ANKRD55: variants seen among roughly 807,000 people sequenced by gnomAD.
ANKRD55 encodes ankyrin repeat domain-containing protein 55.
Under a neutral mutation model 60.6 loss-of-function variants are expected in ANKRD55, and 41 were observed. The ratio of observed to expected loss-of-function variants is 0.68; its 90% CI spans 0.53 to 0.88. The LOEUF (loss-of-function observed/expected upper bound fraction) is 0.88. Ranked by LOEUF, ANKRD55 falls within the 40% of genes least tolerant of loss-of-function variation. The pLI, the probability that ANKRD55 is intolerant of heterozygous loss-of-function variation, is 0.00. For missense variants in ANKRD55, 732 were observed against 767.6 expected (o/e 0.95, Z 0.55); for synonymous variants, 264 against 290.3 (o/e 0.91, Z 0.92).
intron 2 of ANKRD55, among the ~76,000 whole-genome samples, chr5:56,201,961 G>A (rs182824704): frequency 2.0e-5 from 3 of 152,328 alleles, no homozygotes; most frequent in East Asian, 3.9e-4. Flanking sequence ...ATACTATGCA[G>A]CAATAAAAAA....
intron 2 of ANKRD55, chr5:56,192,678 A>C: frequency 1.6e-6 from 2 of 1,244,660 alleles, no homozygotes; most frequent in Non-Finnish European, 2.3e-6. Flanking sequence ...GTTCTTCATA[A>C]TGATCCTCAT....
chr5:56,178,593 G>T (rs1300605301), intron 3 of ANKRD55, among the ~76,000 whole-genome samples: 1 of 151,276 alleles, frequency 6.6e-6, no homozygotes, highest in Non-Finnish European at 1.5e-5. Context: ...AAAAGCAATA[G>T]GAAAAGTAAC....
chr5:56,205,814 A>G (rs1365442445), intron 2 of ANKRD55, among the ~76,000 whole-genome samples: 1 of 152,162 alleles, frequency 6.6e-6, no homozygotes, highest in Non-Finnish European at 1.5e-5. Context: ...CTCAAATGTC[A>G]GAGACTGAAC....
chr5:56,153,277 C>T (rs1259004209), intron 6 of ANKRD55, among the ~76,000 whole-genome samples: 2 of 152,066 alleles, frequency 1.3e-5, no homozygotes, highest in African/African-American at 2.4e-5. Flanking sequence ...ACAACAACAA[C>T]AACAACAACA....
chr5:56,204,304 T>G (rs1759450794), intron 2 of ANKRD55, among the ~76,000 whole-genome samples: 1 of 152,208 alleles, frequency 6.6e-6, no homozygotes. Context: ...TAGTTTCTTT[T>G]GCTGTGCAGA....
At chr5:56,195,288 T>C (rs917394322) in intron 2 of ANKRD55, among the ~76,000 whole-genome samples, 16 of 152,230 alleles carry the variant, frequency 1.1e-4, no homozygotes, top group Non-Finnish European at 2.4e-4. Context: ...ATTTTTATTT[T>C]TATTATCTTT....
At chr5:56,180,804 A>T (rs1758834800) in intron 3 of ANKRD55, among the ~76,000 whole-genome samples, 1 of 152,252 alleles carries the variant, frequency 6.6e-6, no homozygotes, top group South Asian at 2.1e-4. Flanking sequence ...GACCTTGCTG[A>T]ACTCACTTAG....
intron 2 of ANKRD55, among the ~76,000 whole-genome samples, chr5:56,187,753 G>A (rs1014926742): frequency 2.0e-5 from 3 of 152,172 alleles, no homozygotes; most frequent in Non-Finnish European, 4.4e-5. Context: ...GTTCTCTTCC[G>A]TGACCCACGG....
At position 56,166,084 on chromosome 5, in the gene ANKRD55, CTTTTTCTTTCTT is replaced by C. The variant is rs1422857723; in HGVS notation, c.422+4598_422+4609del. Among the ~76,000 whole-genome samples the C allele has an allele frequency of 3.2e-3, 243 of 76,902 alleles. 6 individuals are homozygous for C. The highest frequency in any genetic ancestry group is 0.011 in the African/African-American group (202 of 17,720). 50.5% of individuals were successfully genotyped at this position (76,902 alleles called of 152,430 possible). ...GCCACCCTTCAGGGATCTTTCTTTT[CTTTTTCTTTCTT>C]TCTTTCTTTCTTTCTTTCTTTCTTT... On this transcript the variant is annotated intron_variant, in intron 5 of 11. Transcript: ENST00000341048.
At chr5:56,190,079 A>C (rs900343370) in intron 2 of ANKRD55, among the ~76,000 whole-genome samples, 7 of 152,180 alleles carry the variant, frequency 4.6e-5, no homozygotes, top group Non-Finnish European at 1.0e-4. Flanking sequence ...CTCTAATATT[A>C]GTGACAGTGA....
chr5:56,192,429 G>A, intron 2 of ANKRD55: 1 of 191,060 alleles, frequency 5.2e-6, no homozygotes, highest in Non-Finnish European at 1.1e-5. Context: ...TAGCGGCCAG[G>A]AGCCACTTCT....
intron 4 of ANKRD55, among the ~76,000 whole-genome samples, chr5:56,173,551 T>C (rs947116862): frequency 1.3e-4 from 9 of 71,608 alleles, no homozygotes; most frequent in Non-Finnish European, 1.6e-4. Flanking sequence ...CCTCTCTCTC[T>C]CTCTCTCTCT....
chr5:56,138,619 G>A (rs922686251), intron 7 of ANKRD55, among the ~76,000 whole-genome samples: 4 of 152,224 alleles, frequency 2.6e-5, no homozygotes, highest in Non-Finnish European at 5.9e-5. Context: ...GAATGGATAA[G>A]TAAACCTTGG....
At chr5:56,146,598 T>G (rs1757905262) in intron 6 of ANKRD55, 1 of 152,176 alleles carries the variant, frequency 6.6e-6, no homozygotes, top group Non-Finnish European at 1.5e-5. Flanking sequence ...TCGTAAAAAT[T>G]TGGCTTTGCT....
chr5:56,209,204 C>A (rs1014702053), intron 2 of ANKRD55, among the ~76,000 whole-genome samples: 7 of 152,070 alleles, frequency 4.6e-5, no homozygotes, highest in Admixed American at 1.3e-4. Context: ...TGATCTACCC[C>A]CCTCGGCCTC....
chr5:56,107,295 G>C (rs1304163189), intron 10 of ANKRD55, among the ~76,000 whole-genome samples: 1 of 152,066 alleles, frequency 6.6e-6, no homozygotes, highest in Non-Finnish European at 1.5e-5. Context: ...TCAGCACTCA[G>C]AAAAATTGGT....
chr5:56,155,948 C>CAT (rs1001564628), intron 6 of ANKRD55, among the ~76,000 whole-genome samples: 20 of 151,276 alleles, frequency 1.3e-4, no homozygotes, highest in Non-Finnish European at 2.9e-4. Flanking sequence ...TATACATACA[C>CAT]ATATATATCC....
At chr5:56,210,485 C>A (rs1759639564) in intron 2 of ANKRD55, among the ~76,000 whole-genome samples, 1 of 147,794 alleles carries the variant, frequency 6.8e-6, no homozygotes, top group East Asian at 2.0e-4. Context: ...AGGCGTGAAC[C>A]CGGGAGGCGG....
chr5:56,206,595 G>A (rs1759515093), intron 2 of ANKRD55, among the ~76,000 whole-genome samples: 1 of 152,134 alleles, frequency 6.6e-6, no homozygotes, highest in South Asian at 2.1e-4. Context: ...GAAGCCTGAA[G>A]GGTCTGGTTG....
Sources: gnomAD v4.1 joint callset for allele counts (sites outside exome capture counted in the v4.1 genomes callset) on GRCh38, gnomAD v4.1.1 for gene constraint, MANE v1.5 for transcripts, NCBI Gene and HGNC (gene_info 2026-07-23, HGNC 2026-07-21) for gene names.